Variants in RBPJ observed in about 807,000 individuals in gnomAD.
RBPJ encodes recombination signal binding protein for immunoglobulin kappa J region.
RBPJ carries 9 observed loss-of-function variants against 67.8 expected under a neutral mutation model. The ratio of observed to expected loss-of-function variants is 0.13; its 90% CI spans 0.08 to 0.23. The LOEUF (loss-of-function observed/expected upper bound fraction) is 0.23, where lower values mean the gene tolerates loss of function less well. Among genes scored for constraint, RBPJ ranks in the 10% least tolerant of loss-of-function variants. The probability of loss-of-function intolerance (pLI) is 1.00; values close to 1 mark genes in which losing one functional copy is unlikely to be tolerated. For missense variants in RBPJ, 305 were observed against 595.6 expected (o/e 0.51, Z 5.08); for synonymous variants, 198 against 203.3 (o/e 0.97, Z 0.22).
At chr4:26,415,443 C>CT in intron 3 of RBPJ, 32 bp from the exon 4 acceptor site, 1 of 1,484,898 alleles carries the variant, frequency 6.7e-7, no homozygotes, top group South Asian at 1.3e-5. Flanking sequence ...ATTTTTGCTT[C>CT]TTGTTTTTTT....
At chr4:26,114,106 C>A in the RBPJ span, among the ~76,000 whole-genome samples, 1 of 152,040 alleles carries the variant, frequency 6.6e-6, no homozygotes, top group Admixed American at 6.6e-5. Flanking sequence ...GGACAATATT[C>A]ATTTACTCAT....
intron 1 of RBPJ, among the ~76,000 whole-genome samples, chr4:26,280,122 C>T (rs951987060): frequency 6.7e-6 from 1 of 150,154 alleles, no homozygotes. Context: ...TGGCCGGGCA[C>T]GGTAGCTCAC....
chr4:26,211,252 G>A (rs1460969151), intron 1 of RBPJ, among the ~76,000 whole-genome samples: 1 of 151,958 alleles, frequency 6.6e-6, no homozygotes, highest in African/African-American at 2.4e-5. Context: ...ACTTTTCTGG[G>A]GACAAATACT....
intron 1 of RBPJ, among the ~76,000 whole-genome samples, chr4:26,341,722 C>T (rs912384324): frequency 4.0e-5 from 6 of 151,776 alleles, no homozygotes; most frequent in East Asian, 3.9e-4. Context: ...GTTGAAGTGA[C>T]GGAGACAAAA....
At position 26,433,964 on chromosome 4, in the gene RBPJ, A is replaced by G. The variant is rs1736459465; in HGVS notation, c.*2957A>G. On this transcript the variant is annotated 3_prime_UTR_variant, in exon 11 of 11. Transcript: ENST00000355476. ...AAATTCTGTTTTAGAAATGTATCTTATGCTCTCATGACTATGCAGTTTCTA... is the reference window on the plus strand; with the variant it reads ...AAATTCTGTTTTAGAAATGTATCTTGTGCTCTCATGACTATGCAGTTTCTA... 2 of 152,168 alleles carry G rather than the reference A, an allele frequency of 1.3e-5. No individual in the cohort carries two copies. The highest frequency in any genetic ancestry group is 2.9e-5 in the Non-Finnish European group (2 of 68,020). 9.4% of individuals were successfully genotyped at this position (152,168 alleles called of 1,614,324 possible).
the RBPJ span, among the ~76,000 whole-genome samples, chr4:26,115,104 C>G: frequency 1.3e-5 from 2 of 152,182 alleles, no homozygotes; most frequent in African/African-American, 4.8e-5. Flanking sequence ...AGTATTTACA[C>G]CATCAAAATC....
At chr4:26,362,717 A>G (rs1728204363) in intron 1 of RBPJ, 3 of 1,038,724 alleles carry the variant, frequency 2.9e-6, no homozygotes, top group Non-Finnish European at 4.4e-6. Flanking sequence ...TATTTAAGAT[A>G]TTCTGTATTT....
At chr4:26,325,550 G>A (rs926054111) in intron 1 of RBPJ, among the ~76,000 whole-genome samples, 12 of 152,314 alleles carry the variant, frequency 7.9e-5, no homozygotes, top group African/African-American at 2.6e-4. Context: ...TCAATTGCAA[G>A]ATAATTATTC....
At chr4:26,146,198 C>T in the RBPJ span, among the ~76,000 whole-genome samples, 1 of 152,192 alleles carries the variant, frequency 6.6e-6, no homozygotes, top group African/African-American at 2.4e-5. Context: ...CCTTCCACTT[C>T]GGCCTCCCAA....
chr4:26,362,501 A>T lies in RBPJ; in HGVS notation c.21-23852A>T. 4 of 1,548,054 alleles carry T rather than the reference A, an allele frequency of 2.6e-6. No homozygotes were observed. The South Asian group carries it at 5.0e-5, about 20-fold the overall frequency. On this transcript the variant is annotated intron_variant, in intron 1 of 10. Coordinates refer to ENST00000355476, the MANE Select transcript of RBPJ (RefSeq NM_015874.6). ...GGAAGCATTATAGTTCTTCGGAACCATTATGATCTCAAAACGAAAGGAGAA... is the reference window on the plus strand; with the variant it reads ...GGAAGCATTATAGTTCTTCGGAACCTTTATGATCTCAAAACGAAAGGAGAA...
At chr4:26,276,786 T>C (rs1011188454) in intron 1 of RBPJ, among the ~76,000 whole-genome samples, 1 of 152,240 alleles carries the variant, frequency 6.6e-6, no homozygotes, top group Non-Finnish European at 1.5e-5. Flanking sequence ...GAAAGCAACC[T>C]TAAATAAGCA....
intron 1 of RBPJ, among the ~76,000 whole-genome samples, chr4:26,265,870 C>G (rs547688670): frequency 3.3e-5 from 5 of 152,132 alleles, no homozygotes; most frequent in Admixed American, 3.3e-4. Flanking sequence ...AACCCCTTCT[C>G]TACTAAAAAT....
chr4:26,430,760 G>A lies in RBPJ; in HGVS notation c.1217G>A (p.Arg406Gln), dbSNP rs1064384. Residue 406 changes from arginine (R) to glutamine (Q), a missense_variant, in exon 11 of 11, where the codon CGG (arginine) becomes CAG (glutamine). Coordinates refer to ENST00000355476, the MANE Select transcript of RBPJ (RefSeq NM_015874.6). The surrounding 1 kb of genome is among the most constrained non-coding windows in gnomAD (Gnocchi z 4.1). ...TTCCGAGAAGGTTGGAGATGGGTCC[G>A]GCAACCAGTCCAGGTTCCAGTAACT... ...SAFREGWRWV[R>Q]QPVQVPVTLV... The A allele has an allele frequency of 3.1e-6, 5 of 1,613,932 alleles. No homozygotes were observed. The highest frequency in any genetic ancestry group is 4.2e-6 in the Non-Finnish European group (5 of 1,179,968).
At chr4:26,210,728 C>CTTTCT (rs1718373293) in intron 1 of RBPJ, among the ~76,000 whole-genome samples, 1 of 41,818 alleles carries the variant, frequency 2.4e-5, no homozygotes. Context: ...TCTTTCTTTC[C>CTTTCT]TTCTTTACTT....
chr4:26,172,044 G>A (rs1716607867), intron 1 of RBPJ, among the ~76,000 whole-genome samples: 1 of 152,226 alleles, frequency 6.6e-6, no homozygotes, highest in South Asian at 2.1e-4. Flanking sequence ...TCAGTGTAAG[G>A]CCGGAGGGCA....
the RBPJ span, among the ~76,000 whole-genome samples, chr4:26,156,970 GA>G: frequency 1.2e-4 from 18 of 151,420 alleles, no homozygotes; most frequent in East Asian, 3.5e-3. Flanking sequence ...AGCTACTCAG[GA>G]GGCTGAGGTG....
intron 1 of RBPJ, among the ~76,000 whole-genome samples, chr4:26,241,212 A>AT (rs1316317448): frequency 6.6e-6 from 1 of 152,036 alleles, no homozygotes; most frequent in African/African-American, 2.4e-5. Context: ...ATAAAAAAAA[A>AT]AAAAAAAAAA....
chr4:26,376,318 A>G (rs1186528003), intron 1 of RBPJ, among the ~76,000 whole-genome samples: 1 of 152,154 alleles, frequency 6.6e-6, no homozygotes, highest in Non-Finnish European at 1.5e-5. Flanking sequence ...GGTAGCCACC[A>G]ATTTTTCTGT....
chr4:26,376,815 T>A (rs1729794687), intron 1 of RBPJ, among the ~76,000 whole-genome samples: 3 of 152,244 alleles, frequency 2.0e-5, no homozygotes, highest in Admixed American at 2.0e-4. Flanking sequence ...ATTGTTGTTT[T>A]TTGTTTTAAA....
Sources: gnomAD v4.1 joint callset for allele counts (sites outside exome capture counted in the v4.1 genomes callset) on GRCh38, gnomAD v4.1.1 for gene constraint, Gnocchi (gnomAD v3.1) non-coding constraint, MANE v1.5 for transcripts, NCBI Gene and HGNC (gene_info 2026-07-23, HGNC 2026-07-21) for gene names.